The following LMO3 variants were observed in gnomAD, a reference collection of about 807,000 sequenced individuals.
LMO3 encodes the protein LIM domain only 3, also known as LIM domain only protein 3.
LMO3 carries 2 observed loss-of-function variants against 15.8 expected under a neutral mutation model. The ratio of observed to expected loss-of-function variants is 0.13; its 90% CI spans 0.05 to 0.40. The LOEUF (loss-of-function observed/expected upper bound fraction) is 0.40. Ranked by LOEUF, LMO3 falls within the 10% of genes least tolerant of loss-of-function variation. The probability of loss-of-function intolerance (pLI) is 0.99; values close to 1 mark genes in which losing one functional copy is unlikely to be tolerated. For missense variants in LMO3, 86 were observed against 182.2 expected, an observed-to-expected ratio of 0.47 and a Z score of 3.04; for synonymous variants, 62 against 63.8, an observed-to-expected ratio of 0.97 and a Z score of 0.13.
chr12:16,603,439 G>A lies in LMO3; in HGVS notation c.-8-2571C>T, dbSNP rs997634887. On this transcript the variant is annotated intron_variant, in intron 1 of 3. Coordinates refer to ENST00000537304, the MANE Select transcript of LMO3 (RefSeq NM_018640.5). The surrounding 1 kb of genome is among the most constrained non-coding windows in gnomAD (Gnocchi z 4.9). Reference sequence around the variant, plus strand: ...CTCCCCTCTTCCACCAGAAGAACATGTCTGGGTAGAGTTACGTGTTTGTAG... The same window carrying A: ...CTCCCCTCTTCCACCAGAAGAACATATCTGGGTAGAGTTACGTGTTTGTAG... 6.6e-6 allele frequency among the ~76,000 whole-genome samples: 1 copy of A among 152,184 alleles called. No homozygotes were observed. The highest frequency in any genetic ancestry group is 1.5e-5 in the Non-Finnish European group (1 of 68,038).
At chr12:16,564,169 A>G (rs1462445741) in intron 2 of LMO3, among the ~76,000 whole-genome samples, 7 of 152,226 alleles carry the variant, frequency 4.6e-5, no homozygotes, top group Admixed American at 4.6e-4. Flanking sequence ...AGACATGAAT[A>G]TAAAAATCAA....
chr12:16,602,819 G>C (rs1036660507), intron 1 of LMO3, among the ~76,000 whole-genome samples: 1 of 152,096 alleles, frequency 6.6e-6, no homozygotes, highest in African/African-American at 2.4e-5. Flanking sequence ...ATATCTAGGG[G>C]GAAGGGGAAG....
chr12:16,578,439 T>C (rs908672757), intron 2 of LMO3, among the ~76,000 whole-genome samples: 2 of 152,154 alleles, frequency 1.3e-5, no homozygotes, highest in Non-Finnish European at 2.9e-5. Context: ...GAAGAAGCAG[T>C]TGTGCTCTCT....
At chr12:16,562,016 A>G (rs1942425531) in intron 2 of LMO3, among the ~76,000 whole-genome samples, 1 of 152,216 alleles carries the variant, frequency 6.6e-6, no homozygotes. Context: ...TTTAAGGACT[A>G]TAACCCAAGT....
intron 2 of LMO3, among the ~76,000 whole-genome samples, chr12:16,569,609 GA>G (rs1435641612): frequency 6.6e-6 from 1 of 152,136 alleles, no homozygotes; most frequent in Non-Finnish European, 1.5e-5. Flanking sequence ...CTTAACATTT[GA>G]TGAGAAAAAT....
At chr12:16,605,667 C>A (rs1943970754) in intron 1 of LMO3, 9 of 1,198,434 alleles carry the variant, frequency 7.5e-6, no homozygotes, top group Middle Eastern at 2.5e-4. Context: ...GCAAACACTT[C>A]CTAATTCCAA....
At chr12:16,595,183 C>T (rs572190044) in intron 2 of LMO3, among the ~76,000 whole-genome samples, 3 of 151,268 alleles carry the variant, frequency 2.0e-5, no homozygotes, top group Admixed American at 2.0e-4. Context: ...GATACAGAAA[C>T]ATTATAAAAT....
At chr12:16,600,330 A>C (rs1943786481) in intron 2 of LMO3, 1 of 190,230 alleles carries the variant, frequency 5.3e-6, no homozygotes, top group African/African-American at 2.3e-5. Context: ...AAAAAGAAAA[A>C]ATAAGTAAAT....
chr12:16,589,180 A>ACT lies in LMO3; in HGVS notation c.206+11473_206+11474dup, dbSNP rs1211015640. On this transcript the variant is annotated intron_variant, in intron 2 of 3. Coordinates refer to ENST00000537304, the MANE Select transcript of LMO3 (RefSeq NM_018640.5). This position sits in a 1 kb window ranked among gnomAD's most constrained non-coding sequence, Gnocchi z 4.2. ...GGAAGATTTTAGGGAAGTGACAAGA[A>ACT]CTCATGTAACTTTTTATTTTTTAAT... 6.6e-6 allele frequency among the ~76,000 whole-genome samples: 1 copy of ACT among 152,062 alleles called. No homozygotes were observed. Among genetic ancestry groups the ACT allele is most frequent in the East Asian group, 1.9e-4 (1 of 5,184 alleles).
At chr12:16,575,724 C>A (rs1942972760) in intron 2 of LMO3, among the ~76,000 whole-genome samples, 1 of 152,108 alleles carries the variant, frequency 6.6e-6, no homozygotes, top group African/African-American at 2.4e-5. Context: ...GTCAAGAGAA[C>A]AACAGAAGGA....
At chr12:16,583,163 T>TCC (rs1183391430) in intron 2 of LMO3, among the ~76,000 whole-genome samples, 1 of 151,946 alleles carries the variant, frequency 6.6e-6, no homozygotes, top group East Asian at 1.9e-4. Flanking sequence ...TGTAAGATGA[T>TCC]CCCGGATAAA....
chr12:16,607,033 C>T (rs1408617943), upstream of LMO3: 1 of 152,258 alleles, frequency 6.6e-6, no homozygotes, highest in Non-Finnish European at 1.5e-5. Flanking sequence ...ACAACCCTCC[C>T]CTTTAAGAAA....
In LMO3 at chr12:16,559,810, AAATT is replaced by A. The variant is rs1942323618; in HGVS notation, c.332+599_332+602del. Reference sequence around the variant, plus strand: ...CTCTATAAAAAATGAAAAAAAAAAAAAATTAGCCAGGCATGGGAGTGCACACCTG... The same window carrying A: ...CTCTATAAAAAATGAAAAAAAAAAAAAGCCAGGCATGGGAGTGCACACCTG... On this transcript the variant is annotated intron_variant, in intron 3 of 3. Coordinates refer to ENST00000537304, the MANE Select transcript of LMO3 (RefSeq NM_018640.5). The surrounding 1 kb of genome is among the most constrained non-coding windows in gnomAD (Gnocchi z 4.1). Among the ~76,000 whole-genome samples, 1 of 151,696 alleles carries A rather than the reference AAATT, an allele frequency of 6.6e-6. No homozygotes were observed. The highest frequency in any genetic ancestry group is 1.5e-5 in the Non-Finnish European group (1 of 67,936).
chr12:16,573,733 C>T (rs1942902196), intron 2 of LMO3: 1 of 152,138 alleles, frequency 6.6e-6, no homozygotes, highest in Non-Finnish European at 1.5e-5. Context: ...TGAAGCAGCC[C>T]TGAGGGATTG....
In LMO3 at chr12:16,556,023, C is replaced by T. The variant is rs147598349; in HGVS notation, c.332+4390G>A. On this transcript the variant is annotated intron_variant, in intron 3 of 3. Coordinates refer to ENST00000537304, the MANE Select transcript of LMO3 (RefSeq NM_018640.5). ...TGAGTCTTTGATGTCCTGTCTCTCC[C>T]GTAGCTCCGGACACCTCTAAGAAAT... Among the ~76,000 whole-genome samples the T allele has an allele frequency of 5.0e-3, 763 of 152,214 alleles. 8 individuals carry two copies. The highest frequency in any genetic ancestry group is 0.018 in the African/African-American group (739 of 41,524).
Position 16,593,338 on chromosome 12 carries a change from G to A in LMO3, c.206+7317C>T, listed in dbSNP as rs1191521243. ...AAATTGAATCATAACAACACATGCT[G>A]ATTAGAGTCTAACTTAATACATGCA... is the stretch of plus-strand genomic sequence containing the variant. On this transcript the variant is annotated intron_variant, in intron 2 of 3. Coordinates refer to ENST00000537304, the MANE Select transcript of LMO3 (RefSeq NM_018640.5). This position sits in a 1 kb window ranked among gnomAD's most constrained non-coding sequence, Gnocchi z 4.2. Among the ~76,000 whole-genome samples, 1 of 151,716 alleles carries A rather than the reference G, an allele frequency of 6.6e-6. No homozygotes were observed. Among genetic ancestry groups the A allele is most frequent in the Non-Finnish European group, 1.5e-5 (1 of 67,764 alleles).
rs1024519713 is a variant in LMO3 at position 16,606,157 on chromosome 12, T to C, written c.-100A>G. 3 of 115,906 alleles carry C rather than the reference T, an allele frequency of 2.6e-5. No homozygotes were observed. The highest frequency in any genetic ancestry group is 4.8e-5 in the Non-Finnish European group (3 of 61,996). 7.2% of individuals were successfully genotyped at this position (115,906 alleles called of 1,614,324 possible). ...CCTTGGGAAAGGTCAAAAAGAAGCATTGTTTGAAAAAAAAAAAAAAGACGG... is the reference window on the plus strand; with the variant it reads ...CCTTGGGAAAGGTCAAAAAGAAGCACTGTTTGAAAAAAAAAAAAAAGACGG... On this transcript the variant is annotated 5_prime_UTR_variant, in exon 1 of 4. It removes an upstream start codon present in the reference 5' UTR. Transcript: ENST00000537304.
rs1942406221 is a variant in LMO3, at chr12:16,561,569, TA to T, written c.207-1032del. On this transcript the variant is annotated intron_variant, in intron 2 of 3. Coordinates refer to ENST00000537304, the MANE Select transcript of LMO3 (RefSeq NM_018640.5). The stretch of plus-strand genomic sequence containing the variant: ...CTATAGAGAAAACTCATTTTGGTTA[TA>T]AAAATGTACTTTTAAAAACCTTAGC... 2.6e-5 allele frequency among the ~76,000 whole-genome samples: 4 copies of T among 152,354 alleles called. No individual in the cohort carries two copies. In the South Asian group the frequency reaches 8.3e-4, roughly 32 times the overall value.
intron 2 of LMO3, among the ~76,000 whole-genome samples, chr12:16,580,000 C>G (rs1204124906): frequency 6.6e-6 from 1 of 152,134 alleles, no homozygotes; most frequent in Non-Finnish European, 1.5e-5. Context: ...TGTACAAAAG[C>G]AGGATCAGTT....
Sources: gnomAD v4.1 joint callset for allele counts (sites outside exome capture counted in the v4.1 genomes callset) on GRCh38, gnomAD v4.1.1 for gene constraint, Gnocchi (gnomAD v3.1) non-coding constraint, MANE v1.5 for transcripts, NCBI Gene and HGNC (gene_info 2026-07-23, HGNC 2026-07-21) for gene names.